ROBO2: variants seen among roughly 807,000 people sequenced by gnomAD.
ROBO2 encodes the protein roundabout homolog 2.
ROBO2 carries 53 observed loss-of-function variants against 160.8 expected under a neutral mutation model. That is an observed-to-expected ratio of 0.33 (90% CI 0.26 to 0.41). The LOEUF (loss-of-function observed/expected upper bound fraction) is 0.41. Ranked by LOEUF, ROBO2 falls within the 10% of genes least tolerant of loss-of-function variation. ROBO2 has a pLI of 1.00. For synonymous variants in ROBO2, 664 were observed against 611.7 expected, an observed-to-expected ratio of 1.09 and a Z score of -1.26; for missense variants, 1,577 against 1,722.4, an observed-to-expected ratio of 0.92 and a Z score of 1.49.
intron 2 of ROBO2, among the ~76,000 whole-genome samples, chr3:77,448,609 G>A (rs1454655374): frequency 6.6e-6 from 1 of 151,958 alleles, no homozygotes; most frequent in South Asian, 2.1e-4. Flanking sequence ...GTAAGGACAG[G>A]TATTAGTCTG....
intron 2 of ROBO2, among the ~76,000 whole-genome samples, chr3:76,449,571 G>A (rs1235929327): frequency 3.3e-5 from 5 of 152,080 alleles, no homozygotes; most frequent in African/African-American, 7.2e-5. Context: ...GCTGCTGAAC[G>A]TGCATGGTTG....
chr3:77,103,677 GAGA>G (rs1396353546), intron 2 of ROBO2, among the ~76,000 whole-genome samples: 3 of 152,112 alleles, frequency 2.0e-5, no homozygotes, highest in East Asian at 3.9e-4. Flanking sequence ...AAGTCATTTA[GAGA>G]AGAAGAAGGT....
chr3:77,462,537 G>A lies in ROBO2; in HGVS notation c.389-14877G>A, dbSNP rs562107205. On this transcript the variant is annotated intron_variant, in intron 2 of 25. Coordinates refer to ENST00000461745, the Ensembl canonical transcript of ROBO2. The stretch of plus-strand genomic sequence containing the variant: ...CCATTTGTGTCACTGAATGACTCTT[G>A]TAAGAAACCATGTTTCTATACTCTC... Among the ~76,000 whole-genome samples the A allele has an allele frequency of 1.4e-4, 22 of 152,270 alleles. No individual in the cohort carries two copies. In the South Asian group the frequency reaches 4.6e-3, roughly 32 times the overall value.
At chr3:76,377,774 T>C (rs1012122873) in intron 2 of ROBO2, among the ~76,000 whole-genome samples, 4 of 152,064 alleles carry the variant, frequency 2.6e-5, no homozygotes, top group African/African-American at 9.7e-5. Flanking sequence ...GTAGAAAGGG[T>C]ACTAGCTTGT....
chr3:76,548,387 T>A (rs1463252798), intron 2 of ROBO2, among the ~76,000 whole-genome samples: 1 of 152,058 alleles, frequency 6.6e-6, no homozygotes, highest in Non-Finnish European at 1.5e-5. Context: ...ACATGAGGCT[T>A]GAGTGGGAGA....
intron 2 of ROBO2, among the ~76,000 whole-genome samples, chr3:76,265,230 C>T (rs930461637): frequency 2.0e-5 from 3 of 152,016 alleles, no homozygotes; most frequent in African/African-American, 4.8e-5. Context: ...ATTCTGCCTG[C>T]GAAAGACTAT....
intron 2 of ROBO2, among the ~76,000 whole-genome samples, chr3:76,319,270 T>A (rs897574823): frequency 2.0e-5 from 3 of 152,114 alleles, no homozygotes; most frequent in African/African-American, 7.2e-5. Context: ...GTCTTAAAAA[T>A]GATATGCAGC....
intron 24 of ROBO2, among the ~76,000 whole-genome samples, chr3:77,642,040 C>T (rs887726708): frequency 3.3e-5 from 5 of 152,062 alleles, no homozygotes; most frequent in African/African-American, 4.8e-5. Context: ...ATTAATACAT[C>T]GGAAGATTGT....
At chr3:77,048,996 C>G (rs887429101) in intron 1 of ROBO2, among the ~76,000 whole-genome samples, 8 of 152,058 alleles carry the variant, frequency 5.3e-5, no homozygotes, top group African/African-American at 1.7e-4. Context: ...GTTTAATGTT[C>G]CAACATTTAT....
At chr3:76,125,170 C>T (rs899279737) in intron 2 of ROBO2, among the ~76,000 whole-genome samples, 1 of 152,148 alleles carries the variant, frequency 6.6e-6, no homozygotes, top group African/African-American at 2.4e-5. Context: ...CTGCAAAGGA[C>T]ATGATTTCAT....
intron 2 of ROBO2, among the ~76,000 whole-genome samples, chr3:76,391,933 G>T (rs893238029): frequency 6.6e-6 from 1 of 152,150 alleles, no homozygotes; most frequent in African/African-American, 2.4e-5. Context: ...AACAAGATCT[G>T]TTAGGAAGAC....
intron 2 of ROBO2, among the ~76,000 whole-genome samples, chr3:76,898,873 G>T (rs1475422934): frequency 6.6e-6 from 1 of 152,102 alleles, no homozygotes; most frequent in South Asian, 2.1e-4. Flanking sequence ...GAAAGAAAAA[G>T]AGTACTTCTA....
intron 2 of ROBO2, among the ~76,000 whole-genome samples, chr3:76,111,276 A>G (rs2070217847): frequency 6.6e-6 from 1 of 152,056 alleles, no homozygotes; most frequent in Non-Finnish European, 1.5e-5. Flanking sequence ...TGCAGCTGCC[A>G]GCCAAGAAAC....
chr3:77,430,271 G>A (rs1179288992), intron 2 of ROBO2, among the ~76,000 whole-genome samples: 1 of 152,080 alleles, frequency 6.6e-6, no homozygotes, highest in Non-Finnish European at 1.5e-5. Context: ...TGGAAAGGAA[G>A]GCTTTGTAGA....
At chr3:76,706,714 A>T (rs987161652) in intron 2 of ROBO2, among the ~76,000 whole-genome samples, 9 of 152,158 alleles carry the variant, frequency 5.9e-5, no homozygotes, top group African/African-American at 2.2e-4. Flanking sequence ...TTTCCAAGGA[A>T]TTAAATTACA....
At chr3:76,347,994 A>C (rs762983744) in intron 2 of ROBO2, among the ~76,000 whole-genome samples, 1 of 152,188 alleles carries the variant, frequency 6.6e-6, no homozygotes, top group Non-Finnish European at 1.5e-5. Context: ...AGTTACCCAT[A>C]TGCTGAAAAC....
At chr3:76,369,067 C>T (rs556746089) in intron 2 of ROBO2, among the ~76,000 whole-genome samples, 22 of 152,086 alleles carry the variant, frequency 1.4e-4, no homozygotes, top group Admixed American at 1.4e-3. Context: ...CTTCAAACTT[C>T]TCACTAGAGT....
chr3:77,289,807 AT>A (rs2060953653), intron 2 of ROBO2, among the ~76,000 whole-genome samples: 1 of 152,128 alleles, frequency 6.6e-6, no homozygotes, highest in African/African-American at 2.4e-5. Flanking sequence ...CACCAAAGAC[AT>A]AAAGTAAAAT....
At chr3:76,987,132 C>A (rs2060423746) in intron 2 of ROBO2, among the ~76,000 whole-genome samples, 1 of 152,304 alleles carries the variant, frequency 6.6e-6, no homozygotes, top group African/African-American at 2.4e-5. Flanking sequence ...ACTTGAAATT[C>A]CGTTGGGCAA....
Sources: allele counts gnomAD v4.1 joint callset (sites outside exome capture counted in the v4.1 genomes callset), GRCh38; gene constraint gnomAD v4.1.1; transcripts MANE v1.5; gene names NCBI Gene and HGNC (gene_info 2026-07-23, HGNC 2026-07-21).